The following SGCD variants were observed in gnomAD, a reference collection of about 807,000 sequenced individuals.
SGCD encodes sarcoglycan delta.
In SGCD, 18 loss-of-function variants were observed where a neutral mutation model predicts 36.6. The ratio of observed to expected loss-of-function variants is 0.49; its 90% CI spans 0.34 to 0.73. SGCD has a LOEUF of 0.73. Ranked by LOEUF, SGCD falls within the 30% of genes least tolerant of loss-of-function variation. The probability of loss-of-function intolerance (pLI) is 0.01; values close to 1 mark genes in which losing one functional copy is unlikely to be tolerated. For missense variants in SGCD, 387 were observed against 346.7 expected, an observed-to-expected ratio of 1.12 and a Z score of -0.92; for synonymous variants, 133 against 130.6, an observed-to-expected ratio of 1.02 and a Z score of -0.12.
intron 3 of SGCD, among the ~76,000 whole-genome samples, chr5:156,452,472 G>A (rs1189556150): frequency 6.6e-6 from 1 of 152,040 alleles, no homozygotes. Flanking sequence ...TTTTTGCAAA[G>A]AAGAAACAAA....
intron 3 of SGCD, among the ~76,000 whole-genome samples, chr5:156,361,210 C>A (rs1169423215): frequency 6.6e-6 from 1 of 152,160 alleles, no homozygotes; most frequent in Admixed American, 6.5e-5. Flanking sequence ...AGTGGGCAAG[C>A]CAAATAATAG....
intron 2 of SGCD, among the ~76,000 whole-genome samples, chr5:156,334,818 G>T (rs1309668685): frequency 6.6e-6 from 1 of 152,016 alleles, no homozygotes; most frequent in Non-Finnish European, 1.5e-5. Context: ...GTCAGGGGAG[G>T]AACTGAAGGA....
chr5:156,655,253 C>G (rs548403558), intron 7 of SGCD, among the ~76,000 whole-genome samples: 50 of 152,288 alleles, frequency 3.3e-4, no homozygotes, highest in African/African-American at 1.1e-3. Flanking sequence ...TTTCAAAACG[C>G]TTCTCCATTG....
At chr5:156,220,759 C>T (rs973519399) in intron 3 of SGCD, among the ~76,000 whole-genome samples, 1 of 152,126 alleles carries the variant, frequency 6.6e-6, no homozygotes, top group Non-Finnish European at 1.5e-5. Flanking sequence ...CCACCTTTTC[C>T]TGCAACATTT....
At chr5:156,354,170 G>T (rs1769390248) in intron 3 of SGCD, among the ~76,000 whole-genome samples, 1 of 152,194 alleles carries the variant, frequency 6.6e-6, no homozygotes, top group Non-Finnish European at 1.5e-5. Context: ...AAGTATGAAA[G>T]TTGCGGAAAG....
chr5:155,845,831 G>A, the SGCD span, among the ~76,000 whole-genome samples: 2 of 152,172 alleles, frequency 1.3e-5, no homozygotes, highest in African/African-American at 4.8e-5. Flanking sequence ...AGACCTCACA[G>A]AGGACCAGGA....
At chr5:156,243,905 A>G (rs141785386) in intron 3 of SGCD, among the ~76,000 whole-genome samples, 3 of 152,332 alleles carry the variant, frequency 2.0e-5, no homozygotes, top group African/African-American at 7.2e-5. Flanking sequence ...AAATGAGTTC[A>G]TAGTGATACA....
At chr5:155,975,053 C>CAGCAGA (rs1446957988) in intron 1 of SGCD, among the ~76,000 whole-genome samples, 1 of 152,158 alleles carries the variant, frequency 6.6e-6, no homozygotes, top group Non-Finnish European at 1.5e-5. Flanking sequence ...GAGAAAACAA[C>CAGCAGA]AGCAGAAGCA....
the SGCD span, among the ~76,000 whole-genome samples, chr5:155,794,653 G>T: frequency 6.6e-6 from 1 of 152,032 alleles, no homozygotes; most frequent in Non-Finnish European, 1.5e-5. Context: ...GGATATAAGA[G>T]AATCTCAAAT....
the SGCD span, among the ~76,000 whole-genome samples, chr5:155,825,518 A>G: frequency 2.7e-3 from 406 of 152,264 alleles, 7 homozygotes; most frequent in African/African-American, 9.4e-3. Flanking sequence ...TGCTCCTTGT[A>G]CTTCGTCTCC....
At chr5:155,753,490 G>T in the SGCD span, among the ~76,000 whole-genome samples, 1,745 of 152,212 alleles carry the variant, frequency 0.011, 42 homozygotes, top group African/African-American at 0.04. Flanking sequence ...TGCTATTTCA[G>T]GGAAGCCCAT....
At chr5:155,811,700 A>G in the SGCD span, among the ~76,000 whole-genome samples, 1 of 152,100 alleles carries the variant, frequency 6.6e-6, no homozygotes, top group Non-Finnish European at 1.5e-5. Flanking sequence ...AATAATAGAC[A>G]CACACAAGAT....
At chr5:156,563,061 C>A (rs928748028) in intron 4 of SGCD, among the ~76,000 whole-genome samples, 5 of 152,022 alleles carry the variant, frequency 3.3e-5, no homozygotes, top group African/African-American at 1.2e-4. Context: ...CTCACTGCAT[C>A]CTCTGCCTCC....
At chr5:156,083,294 T>C (rs1761008204) in intron 1 of SGCD, among the ~76,000 whole-genome samples, 1 of 151,256 alleles carries the variant, frequency 6.6e-6, no homozygotes. Flanking sequence ...ATCATTTTTT[T>C]CCTTTTTTTT....
In SGCD at chr5:155,962,020, T is replaced by C. The variant is rs555861962; in HGVS notation, c.-282+91596T>C. 2.6e-5 allele frequency among the ~76,000 whole-genome samples: 4 copies of C among 152,222 alleles called. No individual in the cohort carries two copies. In the South Asian group the frequency reaches 8.3e-4, roughly 32 times the overall value. ...TAATTGTTGAGTGCTACGCATCAAA[T>C]GCTTTATTGAATTTAATCATTGCAA... On this transcript the variant is annotated intron_variant, in intron 1 of 9. Coordinates refer to the SGCD transcript ENST00000517913.
intron 6 of SGCD, among the ~76,000 whole-genome samples, chr5:156,642,177 T>G (rs1763051258): frequency 6.6e-6 from 1 of 152,152 alleles, no homozygotes; most frequent in Non-Finnish European, 1.5e-5. Flanking sequence ...CACTCTACCC[T>G]GATGACCTCA....
At chr5:156,670,363 C>A (rs554345753) in intron 7 of SGCD, among the ~76,000 whole-genome samples, 1 of 152,142 alleles carries the variant, frequency 6.6e-6, no homozygotes. Flanking sequence ...TTGTTTTTAA[C>A]TTGATTAAAA....
the SGCD span, among the ~76,000 whole-genome samples, chr5:155,858,622 T>G: frequency 6.6e-6 from 1 of 152,202 alleles, no homozygotes; most frequent in Non-Finnish European, 1.5e-5. Flanking sequence ...TGTAATATAA[T>G]TAAGTTATCT....
At chr5:155,883,971 C>T (rs77238766) in intron 1 of SGCD, among the ~76,000 whole-genome samples, 3,948 of 152,098 alleles carry the variant, frequency 0.026, 165 homozygotes, top group African/African-American at 0.09. Context: ...TTCTAGACTC[C>T]AGATTCAGAG....
Sources: allele counts gnomAD v4.1 joint callset (sites outside exome capture counted in the v4.1 genomes callset), GRCh38; gene constraint gnomAD v4.1.1; transcripts MANE v1.5; gene names NCBI Gene and HGNC (gene_info 2026-07-23, HGNC 2026-07-21).